Variants in HARBI1 observed in about 807,000 individuals in gnomAD.
HARBI1 encodes harbinger transposase derived 1, also known as putative nuclease HARBI1.
Under a neutral mutation model 25.3 loss-of-function variants are expected in HARBI1, and 15 were observed. The ratio of observed to expected loss-of-function variants is 0.59; its 90% CI spans 0.40 to 0.91. HARBI1 has a LOEUF of 0.91. Ranked by LOEUF, HARBI1 falls within the 40% of genes least tolerant of loss-of-function variation. The probability of loss-of-function intolerance (pLI) is 0.00; values close to 1 mark genes in which losing one functional copy is unlikely to be tolerated. For missense variants in HARBI1, 396 were observed against 445.8 expected, an observed-to-expected ratio of 0.89 and a Z score of 1.01; for synonymous variants, 168 against 160.5, an observed-to-expected ratio of 1.05 and a Z score of -0.35.
At chr11:46,611,813 A>C (rs1565349375) in intron 2 of HARBI1, among the ~76,000 whole-genome samples, 1 of 152,032 alleles carries the variant, frequency 6.6e-6, no homozygotes, top group African/African-American at 2.4e-5. Context: ...GCCAGATGAA[A>C]CAATTGCAAA....
At chr11:46,609,511 T>C (rs1003370239) in intron 2 of HARBI1, among the ~76,000 whole-genome samples, 1 of 152,032 alleles carries the variant, frequency 6.6e-6, no homozygotes, top group African/African-American at 2.4e-5. Flanking sequence ...CGTGCCTGGG[T>C]AATTTTTGTA....
At position 46,616,831 on chromosome 11, in the gene HARBI1, C is replaced by CAAAAAAAAAAAAAAA. The variant is rs749013239; in HGVS notation, c.-145+278_-145+292dup. 2,164 of 604,558 alleles carry CAAAAAAAAAAAAAAA rather than the reference C, an allele frequency of 3.6e-3. 3 individuals are homozygous for CAAAAAAAAAAAAAAA. The highest frequency in any genetic ancestry group is 6.6e-3 in the Middle Eastern group (8 of 1,220). 37.4% of individuals were successfully genotyped at this position (604,558 alleles called of 1,614,324 possible). The stretch of plus-strand genomic sequence containing the variant: ...ACCAGTCTAACAAGAAAAGAAGGGG[C>CAAAAAAAAAAAAAAA]AAAAAAAAAAAAAAAAAAAAAAAAA... On this transcript the variant is annotated intron_variant, in intron 1 of 2. Coordinates refer to ENST00000326737, the MANE Select transcript of HARBI1 (RefSeq NM_173811.4).
Position 46,616,058 on chromosome 11 carries a change from A to G in HARBI1, c.180T>C (p.Pro60=), listed in dbSNP as rs1308181412. The part of the protein sequence containing the change: ...VELLGANLSR[P]TQRSRAISPE... ...GGCTAATAGCCCTGGATCGCTGAGTAGGCCTAGAAAGATTCGCCCCCAAGA... is the reference window on the plus strand; with the variant it reads ...GGCTAATAGCCCTGGATCGCTGAGTGGGCCTAGAAAGATTCGCCCCCAAGA... Residue 60 remains proline (P), a synonymous_variant, in exon 2 of 3, where the codon CCT becomes CCC. Transcript: ENST00000326737. 1 of 1,614,216 alleles carries G rather than the reference A, an allele frequency of 6.2e-7. No individual in the cohort carries two copies. Among genetic ancestry groups the G allele is most frequent in the African/African-American group, 1.3e-5 (1 of 75,064 alleles).
In HARBI1 at chr11:46,603,234, G is replaced by A. The variant is rs2044825344; in HGVS notation, c.*296C>T. ...AACTCCTGACCTTTACTATGACTTTGTAGGCACAGTCATAAATGTTTGCAA... is the reference window on the plus strand; with the variant it reads ...AACTCCTGACCTTTACTATGACTTTATAGGCACAGTCATAAATGTTTGCAA... On this transcript the variant is annotated 3_prime_UTR_variant, in exon 3 of 3. Transcript: ENST00000326737. 4.9e-6 allele frequency: 1 copy of A among 205,432 alleles called. No individual in the cohort carries two copies. Among genetic ancestry groups the A allele is most frequent in the Non-Finnish European group, 9.8e-6 (1 of 102,428 alleles). 12.7% of individuals were successfully genotyped at this position (205,432 alleles called of 1,614,324 possible). A position where few individuals can be genotyped will look rare whatever the true frequency, so the allele number is the denominator to read the frequency against.
rs539136790 is a variant in HARBI1, at chr11:46,612,935, G to T, written c.670+2633C>A. On this transcript the variant is annotated intron_variant, in intron 2 of 2. Transcript: ENST00000326737. ...GATCCGCTTGCCTTGGCCTCCAAAA[G>T]TGCTGGGATTATAGGCATGAGCCAC... Among the ~76,000 whole-genome samples, 619 of 141,048 alleles carry T rather than the reference G, an allele frequency of 4.4e-3. 3 individuals are homozygous for T. The highest frequency in any genetic ancestry group is 0.015 in the African/African-American group (577 of 37,792). The allele number at this position is 141,048 out of a possible 152,430, so 92.5% of individuals were successfully genotyped here. A position where few individuals can be genotyped will look rare whatever the true frequency, so the allele number is the denominator to read the frequency against.
intron 1 of HARBI1, chr11:46,616,894 G>A: frequency 2.1e-6 from 2 of 948,582 alleles, no homozygotes; most frequent in Non-Finnish European, 2.5e-6. Flanking sequence ...CCTTATGGAC[G>A]TACACTGTGT....
chr11:46,603,949 T>A (rs769041192), intron 2 of HARBI1, 40 bp from the exon 3 acceptor site: 2 of 1,547,574 alleles, frequency 1.3e-6, no homozygotes, highest in African/African-American at 2.8e-5. Context: ...TGACTATAAG[T>A]GGAATAGAAA....
chr11:46,607,260 A>C (rs1009137864), intron 2 of HARBI1, among the ~76,000 whole-genome samples: 1 of 88,708 alleles, frequency 1.1e-5, no homozygotes, highest in Non-Finnish European at 2.3e-5. Flanking sequence ...AGACTGTCTC[A>C]AAAAAAAAAA....
Position 46,603,808 on chromosome 11 carries a change from T to C in HARBI1, c.772A>G (p.Ser258Gly), listed in dbSNP as rs1466504808. Residue 258 changes from serine to glycine, a missense_variant, in exon 3 of 3, where the codon AGT becomes GGT. Coordinates refer to ENST00000326737, the MANE Select transcript of HARBI1 (RefSeq NM_173811.4). Reference protein sequence around the residue: ...RYNMAHSATHSVIEKTFRTLC... With the variant: ...RYNMAHSATHGVIEKTFRTLC... ...GTTCGGAAAGTCTTCTCAATCACACTGTGAGTTGCAGAATGGGCCATGTTA... is the reference window on the plus strand; with the variant it reads ...GTTCGGAAAGTCTTCTCAATCACACCGTGAGTTGCAGAATGGGCCATGTTA... 1 of 1,614,094 alleles carries C rather than the reference T, an allele frequency of 6.2e-7. No homozygotes were observed. Among genetic ancestry groups the C allele is most frequent in the Non-Finnish European group, 8.5e-7 (1 of 1,180,010 alleles).
chr11:46,615,197 C>T (rs1253180757), intron 2 of HARBI1, among the ~76,000 whole-genome samples: 1 of 151,294 alleles, frequency 6.6e-6, no homozygotes, highest in African/African-American at 2.4e-5. Context: ...CAGGCATGAG[C>T]TACACGTGCG....
chr11:46,610,435 C>T (rs1011105794), intron 2 of HARBI1, among the ~76,000 whole-genome samples: 1 of 151,588 alleles, frequency 6.6e-6, no homozygotes, highest in African/African-American at 2.4e-5. Flanking sequence ...CCAAGGCGGG[C>T]GGATCAAGAG....
chr11:46,616,073 C>A lies in HARBI1; in HGVS notation c.165G>T (p.Ala55=), dbSNP rs1255756355. ...ATCGCTGAGTAGGCCTAGAAAGATTCGCCCCCAAGAGCTCCACCAAGTAAT... is the reference window on the plus strand; with the variant it reads ...ATCGCTGAGTAGGCCTAGAAAGATTAGCCCCCAAGAGCTCCACCAAGTAAT... ...FIYYLVELLG[A]NLSRPTQRSR... Residue 55 remains alanine (A), a synonymous_variant, in exon 2 of 3, where the codon GCG becomes GCT. Transcript: ENST00000326737. 1.2e-6 allele frequency: 2 copies of A among 1,614,188 alleles called. No homozygotes were observed. Among genetic ancestry groups the A allele is most frequent in the East Asian group, 2.2e-5 (1 of 44,888 alleles).
rs1239481826 is a variant in HARBI1, at chr11:46,615,178, C to G, written c.670+390G>C. On this transcript the variant is annotated intron_variant, in intron 2 of 2. Coordinates refer to ENST00000326737, the MANE Select transcript of HARBI1 (RefSeq NM_173811.4). ...CTGCCTGCCTCGGCCTCCCAAAGTG[C>G]TAGGATAACAGGCATGAGCTACACG... is the stretch of plus-strand genomic sequence containing the variant. Among the ~76,000 whole-genome samples the G allele has an allele frequency of 2.0e-5, 3 of 151,508 alleles. No homozygotes were observed. The East Asian group carries it at 5.8e-4, about 29-fold the overall frequency.
rs538417541 is a variant in HARBI1, at chr11:46,616,869, A to C, written c.-145+255T>G. 9 of 978,062 alleles carry C rather than the reference A, an allele frequency of 9.2e-6. No homozygotes were observed. The East Asian group carries it at 6.9e-4, about 75-fold the overall frequency. 60.6% of individuals were successfully genotyped at this position (978,062 alleles called of 1,614,324 possible). ...AAAAAAAAAAAAAAAAAAACAACCA[A>C]AGTCCACAACCCAGCCTTATGGACG... On this transcript the variant is annotated intron_variant, in intron 1 of 2. Coordinates refer to ENST00000326737, the MANE Select transcript of HARBI1 (RefSeq NM_173811.4).
chr11:46,608,769 C>A (rs1405712586), intron 2 of HARBI1, among the ~76,000 whole-genome samples: 1 of 151,814 alleles, frequency 6.6e-6, no homozygotes, highest in Non-Finnish European at 1.5e-5. Flanking sequence ...GCATGCGCCA[C>A]CAGGCCCGGC....
upstream of HARBI1, chr11:46,617,820 G>A (rs968331330): frequency 5.0e-6 from 2 of 399,126 alleles, no homozygotes; most frequent in East Asian, 3.6e-5. Flanking sequence ...CAGGAGGCGC[G>A]GCTGGTCGGT....
chr11:46,610,398 C>T (rs931960336), intron 2 of HARBI1, among the ~76,000 whole-genome samples: 7 of 150,978 alleles, frequency 4.6e-5, no homozygotes, highest in Middle Eastern at 3.5e-3. Flanking sequence ...GGTGGGCTCA[C>T]GCCTGTAATC....
chr11:46,604,865 TA>T (rs1445972546), intron 2 of HARBI1, among the ~76,000 whole-genome samples: 1 of 152,126 alleles, frequency 6.6e-6, no homozygotes, highest in Non-Finnish European at 1.5e-5. Context: ...AGAAGTCAAT[TA>T]AAAAAATACA....
In HARBI1 at chr11:46,615,656, G is replaced by T. The variant is rs147076911; in HGVS notation, c.582C>A (p.Pro194=). Residue 194 remains proline (P), a synonymous_variant, in exon 2 of 3, where the codon CCC becomes CCA. Transcript: ENST00000326737. ...GCACAGCACAGTCCTGTAGGCTGCC[G>T]GGCCAGTTTGTCTCCACGGTCATTA... ...GTLMTVETNW[P]GSLQDCAVLQ... The T allele has an allele frequency of 1.2e-6, 2 of 1,614,148 alleles. No individual in the cohort carries two copies. The highest frequency in any genetic ancestry group is 1.1e-5 in the South Asian group (1 of 91,076).
Sources: allele counts gnomAD v4.1 joint callset (sites outside exome capture counted in the v4.1 genomes callset), GRCh38; gene constraint gnomAD v4.1.1; transcripts MANE v1.5; gene names NCBI Gene and HGNC (gene_info 2026-07-23, HGNC 2026-07-21).